Variants in BTF3L4 observed in about 807,000 individuals in gnomAD.
The protein encoded by BTF3L4 is transcription factor BTF3 homolog 4.
Under a neutral mutation model 16.8 loss-of-function variants are expected in BTF3L4, and 6 were observed. That is an observed-to-expected ratio of 0.36 (90% CI 0.20 to 0.71). BTF3L4 has a LOEUF of 0.71. BTF3L4 is among the 30% of genes least tolerant of loss of function. The probability of loss-of-function intolerance (pLI) is 0.58; values close to 1 mark genes in which losing one functional copy is unlikely to be tolerated. For synonymous variants in BTF3L4, 39 were observed against 59.8 expected, an observed-to-expected ratio of 0.65 and a Z score of 1.60; for missense variants, 92 against 186.9, an observed-to-expected ratio of 0.49 and a Z score of 2.96.
intron 5 of BTF3L4, 80 bp from the exon 6 acceptor site, chr1:52,086,632 G>T: frequency 1.2e-6 from 1 of 821,688 alleles, no homozygotes. Flanking sequence ...TTTTTTCGGG[G>T]GTTAGAAGTT....
intron 4 of BTF3L4, 84 bp downstream of exon 4, chr1:52,083,625 G>T: frequency 9.4e-7 from 1 of 1,064,930 alleles, no homozygotes; most frequent in Non-Finnish European, 1.4e-6. Context: ...ATCTTAATTT[G>T]GATTTGCCTG....
chr1:52,072,685 T>C (rs1686819513), intron 3 of BTF3L4, among the ~76,000 whole-genome samples: 1 of 152,156 alleles, frequency 6.6e-6, no homozygotes, highest in Admixed American at 6.6e-5. Context: ...CTGAATAATA[T>C]TCCATTGTAT....
At chr1:52,086,493 T>C (rs1462700476) in intron 5 of BTF3L4, 5 of 486,480 alleles carry the variant, frequency 1.0e-5, no homozygotes, top group Non-Finnish European at 1.8e-5. Context: ...GTAATTTGCA[T>C]AGACAAAAGA....
chr1:52,079,787 G>T (rs1643899519), intron 3 of BTF3L4, among the ~76,000 whole-genome samples: 1 of 150,504 alleles, frequency 6.6e-6, no homozygotes, highest in Non-Finnish European at 1.5e-5. Flanking sequence ...TTTCTTTTGT[G>T]TTCTCGATTT....
intron 5 of BTF3L4, 79 bp from the exon 6 acceptor site, chr1:52,086,633 G>C: frequency 8.3e-6 from 7 of 842,190 alleles, no homozygotes; most frequent in Non-Finnish European, 1.3e-5. Context: ...TTTTTCGGGG[G>C]TTAGAAGTTA....
At chr1:52,060,631 A>G (rs1008009572) in intron 2 of BTF3L4, 9 of 1,094,452 alleles carry the variant, frequency 8.2e-6, no homozygotes, top group African/African-American at 6.5e-5. Context: ...AGTGAAAGAA[A>G]GAATAGTACT....
At chr1:52,073,527 C>T (rs1452205654) in intron 3 of BTF3L4, among the ~76,000 whole-genome samples, 2 of 147,574 alleles carry the variant, frequency 1.4e-5, no homozygotes, top group African/African-American at 5.2e-5. Flanking sequence ...CACACACACA[C>T]ACATATGATT....
chr1:52,060,962 CTG>C (rs767247453), intron 2 of BTF3L4, among the ~76,000 whole-genome samples: 2 of 152,196 alleles, frequency 1.3e-5, no homozygotes, highest in Non-Finnish European at 2.9e-5. Flanking sequence ...TATTTTAAAA[CTG>C]TGGTTGGTAC....
intron 3 of BTF3L4, among the ~76,000 whole-genome samples, chr1:52,066,667 C>A (rs972189489): frequency 6.7e-6 from 1 of 149,382 alleles, no homozygotes; most frequent in African/African-American, 2.5e-5. Flanking sequence ...CACGGTGAAA[C>A]CCCGTCTCTA....
intron 3 of BTF3L4, among the ~76,000 whole-genome samples, chr1:52,078,807 C>G (rs1686995318): frequency 6.6e-6 from 1 of 152,088 alleles, no homozygotes; most frequent in South Asian, 2.1e-4. Flanking sequence ...CCTCTTTCTC[C>G]TTAGCTCAAG....
chr1:52,064,910 C>T lies in BTF3L4; in HGVS notation c.140C>T (p.Ala47Val). The change falls in exon 3 of 6, where the codon GCT becomes GTT. Residue 47 changes from alanine (A) to valine (V), a missense_variant. By Grantham distance (64) the Ala-to-Val change is moderately conservative. Transcript: ENST00000313334. ...KKLQSSLKKL[A>V]VNNIAGIEEV... ...CTTCAGAGTTCTCTAAAAAAACTGG[C>T]TGTGAATAATATAGCTGGTATTGAA... The T allele has an allele frequency of 6.2e-7, 1 of 1,612,344 alleles. No individual in the cohort carries two copies. The highest frequency in any genetic ancestry group is 8.5e-7 in the Non-Finnish European group (1 of 1,179,058).
chr1:52,061,168 C>T (rs1337494225), intron 2 of BTF3L4, among the ~76,000 whole-genome samples: 2 of 152,096 alleles, frequency 1.3e-5, no homozygotes, highest in East Asian at 3.9e-4. Flanking sequence ...AAAGGATAAA[C>T]AATTTATCAC....
Position 52,089,349 on chromosome 1 carries a change from A to G in BTF3L4, c.*2591A>G, listed in dbSNP as rs1643999145. 6.6e-6 allele frequency: 1 copy of G among 151,830 alleles called. No homozygotes were observed. Among genetic ancestry groups the G allele is most frequent in the Non-Finnish European group, 1.5e-5 (1 of 67,956 alleles). 9.4% of individuals were successfully genotyped at this position (151,830 alleles called of 1,614,324 possible). A position where few individuals can be genotyped will look rare whatever the true frequency, so the allele number is the denominator to read the frequency against. ...GAGCCAATATTCTTTTTTGTTCTAT[A>G]TTTTTGTATCTTCCCCTTTCCTGAA... On this transcript the variant is annotated 3_prime_UTR_variant, in exon 6 of 6. Transcript: ENST00000313334.
rs1644001618 is a variant in BTF3L4 at position 52,089,594 on chromosome 1, C to T, written c.*2836C>T. On this transcript the variant is annotated 3_prime_UTR_variant, in exon 6 of 6. Coordinates refer to ENST00000313334, the MANE Select transcript of BTF3L4 (RefSeq NM_152265.5). ...TTTGCCAAGATAACAATGATAAAAA[C>T]ATTTTGGGGGGGAAATTGACCTTAA... 1 of 152,066 alleles carries T rather than the reference C, an allele frequency of 6.6e-6. No individual in the cohort carries two copies. Among genetic ancestry groups the T allele is most frequent in the Non-Finnish European group, 1.5e-5 (1 of 68,004 alleles). The allele number at this position is 152,066 out of a possible 1,614,324, so 9.4% of individuals were successfully genotyped here.
At position 52,090,120 on chromosome 1, in the gene BTF3L4, C is replaced by T. The variant is rs1256843569; in HGVS notation, c.*3362C>T. On this transcript the variant is annotated 3_prime_UTR_variant, in exon 6 of 6. Coordinates refer to ENST00000313334, the MANE Select transcript of BTF3L4 (RefSeq NM_152265.5). ...CTGCTGCGGTGCACAACTTCGGGAG[C>T]CATCACTTATTTTTGTTGTGTTCCA... The T allele has an allele frequency of 6.6e-6, 1 of 152,128 alleles. No individual in the cohort carries two copies. The highest frequency in any genetic ancestry group is 2.4e-5 in the African/African-American group (1 of 41,422). 9.4% of individuals were successfully genotyped at this position (152,128 alleles called of 1,614,324 possible).
chr1:52,087,408 A>G lies in BTF3L4; in HGVS notation c.*650A>G, dbSNP rs2124451428. On this transcript the variant is annotated 3_prime_UTR_variant, in exon 6 of 6. Coordinates refer to ENST00000313334, the MANE Select transcript of BTF3L4 (RefSeq NM_152265.5). ...TAACTTACCTAGTCAGACCCAGAAGAACTTCTTTTACTAGCTTGCTTCCTA... is the reference window on the plus strand; with the variant it reads ...TAACTTACCTAGTCAGACCCAGAAGGACTTCTTTTACTAGCTTGCTTCCTA... 1 of 152,296 alleles carries G rather than the reference A, an allele frequency of 6.6e-6. No individual in the cohort carries two copies. The highest frequency in any genetic ancestry group is 1.9e-4 in the East Asian group (1 of 5,186). 9.4% of individuals were successfully genotyped at this position (152,296 alleles called of 1,614,324 possible). A position where few individuals can be genotyped will look rare whatever the true frequency, so the allele number is the denominator to read the frequency against.
At chr1:52,059,743 C>T (rs1686462105) in intron 1 of BTF3L4, 92 bp from the exon 2 acceptor site, 4 of 1,031,984 alleles carry the variant, frequency 3.9e-6, no homozygotes, top group Admixed American at 3.8e-5. Flanking sequence ...ATGCATACTA[C>T]AAGCTCAGTG....
chr1:52,085,694 A>T (rs1029547537), intron 4 of BTF3L4, among the ~76,000 whole-genome samples: 15 of 152,150 alleles, frequency 9.9e-5, no homozygotes, highest in African/African-American at 3.6e-4. Context: ...TACTAAAAAT[A>T]CAAAAATTAG....
chr1:52,085,734 C>T (rs983772681), intron 4 of BTF3L4, among the ~76,000 whole-genome samples: 1 of 152,024 alleles, frequency 6.6e-6, no homozygotes, highest in African/African-American at 2.4e-5. Flanking sequence ...CCTGTAATCT[C>T]AGCTACTTGG....
Sources: gnomAD v4.1 joint callset for allele counts (sites outside exome capture counted in the v4.1 genomes callset) on GRCh38, gnomAD v4.1.1 for gene constraint, MANE v1.5 for transcripts, NCBI Gene and HGNC (gene_info 2026-07-23, HGNC 2026-07-21) for gene names.